The following BORA variants were observed in gnomAD, a reference collection of about 807,000 sequenced individuals.
BORA encodes the protein protein aurora borealis.
In BORA, 26 loss-of-function variants were observed where a neutral mutation model predicts 55.8. That is an observed-to-expected ratio of 0.47 (90% CI 0.34 to 0.65). The LOEUF (loss-of-function observed/expected upper bound fraction) is 0.65. BORA is among the 30% of genes least tolerant of loss of function. The pLI is 0.01. For missense variants in BORA, 568 were observed against 671.5 expected (o/e 0.85, Z 1.70); for synonymous variants, 201 against 216.9 (o/e 0.93, Z 0.64).
intron 2 of BORA, among the ~76,000 whole-genome samples, chr13:72,731,040 C>G (rs1209168232): frequency 6.6e-6 from 1 of 152,082 alleles, no homozygotes; most frequent in Admixed American, 6.5e-5. Context: ...TGCACTCCAG[C>G]CTCGGTGACA....
intron 2 of BORA, among the ~76,000 whole-genome samples, chr13:72,729,739 G>C (rs1185446712): frequency 6.6e-6 from 1 of 152,152 alleles, no homozygotes; most frequent in Non-Finnish European, 1.5e-5. Flanking sequence ...CATGTCACAA[G>C]ATATTTTTTT....
rs11283932 is a variant in BORA at position 72,756,175 on chromosome 13, G to GAATAATTCATATGTACCCTTAGGA, written c.*964_*965insTTCATATGTACCCTTAGGAAATAA. 0.73 allele frequency: 274,753 copies of GAATAATTCATATGTACCCTTAGGA among 375,220 alleles called. 101,619 individuals are homozygous for GAATAATTCATATGTACCCTTAGGA. Among genetic ancestry groups the GAATAATTCATATGTACCCTTAGGA allele is most frequent in the African/African-American group, 0.81 (39,216 of 48,156 alleles). The allele number at this position is 375,220 out of a possible 1,614,324, so 23.2% of individuals were successfully genotyped here. A position where few individuals can be genotyped will look rare whatever the true frequency, so the allele number is the denominator to read the frequency against. On this transcript the variant is annotated 3_prime_UTR_variant, in exon 12 of 12. Coordinates refer to ENST00000390667, the MANE Select transcript of BORA (RefSeq NM_024808.5). ...TTTAAAAACTGTCTCATTCAAAAGG[G>GAATAATTCATATGTACCCTTAGGA]AATAAAGACCTGTGTTATCAATGTG...
chr13:72,741,162 G>C (rs1451423067), intron 5 of BORA, among the ~76,000 whole-genome samples: 1 of 152,178 alleles, frequency 6.6e-6, no homozygotes, highest in Middle Eastern at 3.2e-3. Flanking sequence ...TACGCAGGTA[G>C]AGGATTTCTG....
At chr13:72,747,249 A>G in intron 10 of BORA, 138 bp downstream of exon 10, 1 of 865,906 alleles carries the variant, frequency 1.2e-6, no homozygotes, top group Non-Finnish European at 1.6e-6. Context: ...AAATATTAAT[A>G]CCAAGTGATA....
chr13:72,742,753 GATATAT>G (rs1221248624), intron 5 of BORA, among the ~76,000 whole-genome samples: 23 of 140,654 alleles, frequency 1.6e-4, no homozygotes, highest in African/African-American at 5.9e-4. Flanking sequence ...TTTAAAATGT[GATATAT>G]ATATATATAC....
chr13:72,728,135 G>A, intron 1 of BORA, 128 bp downstream of exon 1: 2 of 1,305,890 alleles, frequency 1.5e-6, no homozygotes, highest in Non-Finnish European at 2.2e-6. Context: ...AGGTGTGGAA[G>A]AGAGGGGCAC....
At chr13:72,732,446 G>A (rs541338227) in intron 3 of BORA, among the ~76,000 whole-genome samples, 234 of 152,162 alleles carry the variant, frequency 1.5e-3, no homozygotes, top group African/African-American at 5.2e-3. Flanking sequence ...AGGCTGAGGC[G>A]GGCAGATCAC....
At chr13:72,749,248 G>C (rs2033214692) in intron 10 of BORA, among the ~76,000 whole-genome samples, 1 of 152,076 alleles carries the variant, frequency 6.6e-6, no homozygotes, top group Non-Finnish European at 1.5e-5. Flanking sequence ...TTAATCTTTT[G>C]TTTATGATCT....
chr13:72,747,282 A>G (rs2033171226), intron 10 of BORA, among the ~76,000 whole-genome samples, 171 bp downstream of exon 10: 2 of 152,132 alleles, frequency 1.3e-5, no homozygotes, highest in African/African-American at 4.8e-5. Flanking sequence ...ATTTATTTTA[A>G]TTATGACAGA....
Position 72,731,265 on chromosome 13 carries a change from A to G in BORA, c.154-16A>G. On this transcript the variant is annotated splice_polypyrimidine_tract_variant and intron_variant, in intron 2 of 11. Transcript: ENST00000390667. The stretch of plus-strand genomic sequence containing the variant: ...TTAGTTTGCCTTTACTCATAAGCTC[A>G]CTTTCTTTTGTTAAGACTCCAGGGA... The G allele has an allele frequency of 6.5e-7, 1 of 1,540,302 alleles. No individual in the cohort carries two copies. The highest frequency in any genetic ancestry group is 2.3e-5 in the East Asian group (1 of 44,254).
chr13:72,734,471 G>A (rs1321194639), intron 3 of BORA, among the ~76,000 whole-genome samples: 1 of 152,078 alleles, frequency 6.6e-6, no homozygotes, highest in African/African-American at 2.4e-5. Flanking sequence ...TATTGTCAGT[G>A]TTTTATTTCA....
chr13:72,748,216 G>A lies in BORA; in HGVS notation c.1482+1105G>A, dbSNP rs573088798. On this transcript the variant is annotated intron_variant, in intron 10 of 11. Transcript: ENST00000390667. ...TGTGTACTGTTATCCCTGTTTTACAGATGAGGAAACTGAGGGTCAGAGAGG... is the reference window on the plus strand; with the variant it reads ...TGTGTACTGTTATCCCTGTTTTACAAATGAGGAAACTGAGGGTCAGAGAGG... Among the ~76,000 whole-genome samples, 40 of 152,278 alleles carry A rather than the reference G, an allele frequency of 2.6e-4. No individual in the cohort carries two copies. The South Asian group carries it at 8.1e-3, about 31-fold the overall frequency.
At chr13:72,737,595 A>C (rs1333341366) in intron 4 of BORA, among the ~76,000 whole-genome samples, 1 of 152,220 alleles carries the variant, frequency 6.6e-6, no homozygotes, top group African/African-American at 2.4e-5. Flanking sequence ...AGCCAGCTTC[A>C]GTGCCGTCAT....
At chr13:72,728,290 A>C (rs2032730500) in intron 1 of BORA, 2 of 660,014 alleles carry the variant, frequency 3.0e-6, no homozygotes. Flanking sequence ...CTTTGATTGC[A>C]AGTAATGCAG....
chr13:72,755,092 T>C (rs2033414185), intron 11 of BORA, 59 bp from the exon 12 acceptor site: 3 of 1,443,352 alleles, frequency 2.1e-6, no homozygotes, highest in South Asian at 2.3e-5. Flanking sequence ...GTCCCGATAA[T>C]TGCATCCTCC....
intron 3 of BORA, 121 bp downstream of exon 3, chr13:72,731,508 A>AT: frequency 5.6e-6 from 4 of 708,528 alleles, no homozygotes; most frequent in South Asian, 1.7e-5. Flanking sequence ...TTTGATGCAG[A>AT]TTTTTTCTAT....
chr13:72,751,752 C>T (rs1047015191), intron 10 of BORA, among the ~76,000 whole-genome samples: 7 of 152,142 alleles, frequency 4.6e-5, no homozygotes, highest in Middle Eastern at 3.2e-3. Context: ...AAGTTCCCAA[C>T]GCAATGATAA....
chr13:72,746,188 T>C, intron 9 of BORA, 112 bp downstream of exon 9: 1 of 1,043,936 alleles, frequency 9.6e-7, no homozygotes, highest in Non-Finnish European at 1.4e-6. Context: ...TCACTAACCT[T>C]CTAACATTTA....
intron 1 of BORA, chr13:72,728,248 C>G (rs778002331): frequency 2.8e-6 from 2 of 705,950 alleles, no homozygotes; most frequent in Admixed American, 4.0e-5. Context: ...CTTTTCCACC[C>G]CACCCCGCCA....
Sources: allele counts gnomAD v4.1 joint callset (sites outside exome capture counted in the v4.1 genomes callset), GRCh38; gene constraint gnomAD v4.1.1; transcripts MANE v1.5; gene names NCBI Gene and HGNC (gene_info 2026-07-23, HGNC 2026-07-21).